Variants in ACSM1 observed in about 807,000 individuals in gnomAD.
The protein encoded by ACSM1 is acyl-coenzyme A synthetase ACSM1, mitochondrial.
A neutral mutation model predicts 75.8 loss-of-function variants in ACSM1; 79 were observed. The ratio of observed to expected loss-of-function variants is 1.04; its 90% CI spans 0.87 to 1.26. The LOEUF is 1.26. Among genes scored for constraint, ACSM1 ranks in the 50% most tolerant of loss-of-function variants. The probability of loss-of-function intolerance (pLI) is 0.00; values close to 1 mark genes in which losing one functional copy is unlikely to be tolerated. For synonymous variants in ACSM1, 279 were observed against 265.8 expected, an observed-to-expected ratio of 1.05 and a Z score of -0.48; for missense variants, 676 against 720.1, an observed-to-expected ratio of 0.94 and a Z score of 0.70.
intron 7 of ACSM1, among the ~76,000 whole-genome samples, chr16:20,647,177 G>A (rs2018413779): frequency 6.6e-6 from 1 of 152,242 alleles, no homozygotes; most frequent in Non-Finnish European, 1.5e-5. Flanking sequence ...GGGTATGCTT[G>A]TGTTTTTGCA....
chr16:20,667,856 T>C (rs1451401392), intron 6 of ACSM1, among the ~76,000 whole-genome samples: 2 of 152,190 alleles, frequency 1.3e-5, no homozygotes, highest in Non-Finnish European at 2.9e-5. Context: ...GGCAGCAACA[T>C]GGATGAAGCT....
chr16:20,636,812 G>A lies in ACSM1; in HGVS notation c.1226C>T (p.Pro409Leu), dbSNP rs770140884. The A allele has an allele frequency of 1.9e-6, 3 of 1,613,954 alleles. No homozygotes were observed. The highest frequency in any genetic ancestry group is 2.5e-6 in the Non-Finnish European group (3 of 1,179,976). Residue 409 changes from proline (P) to leucine (L), a missense_variant, in exon 10 of 14, where the codon CCA (proline) becomes CTA (leucine). Coordinates refer to ENST00000520010, the MANE Select transcript of ACSM1 (RefSeq NM_001318890.3). Reference protein sequence around the residue: ...QVIDDKGSILPPNTEGNIGIR... With the variant: ...QVIDDKGSILLPNTEGNIGIR... ...GCCAATGTTTCCTTCTGTGTTAGGT[G>A]GCAGGATGCTGCCCTTGTCATCAAT...
chr16:20,637,328 G>A (rs1194810780), intron 9 of ACSM1, 43 bp downstream of exon 9: 26 of 1,545,578 alleles, frequency 1.7e-5, no homozygotes, highest in Admixed American at 6.7e-5. Context: ...TCCAACCCCC[G>A]CTGAGCCCTA....
Position 20,669,859 on chromosome 16 carries a change from G to T in ACSM1, c.880C>A (p.Leu294Met). The T allele has an allele frequency of 6.2e-7, 1 of 1,614,016 alleles. No individual in the cohort carries two copies. Among genetic ancestry groups the T allele is most frequent in the South Asian group, 1.1e-5 (1 of 91,074 alleles). ...ATGACCTTGGTGTCAAACTGTGGCA[G>T]ATGGTGGATAAAGACTGTACAACCC... ...TAGCTVFIHH[L>M]PQFDTKVIIQ... Residue 294 changes from leucine to methionine, a missense_variant, in exon 6 of 14, where the codon CTG (leucine) becomes ATG (methionine). Physicochemically the swap from Leu to Met is conservative, Grantham distance 15. Transcript: ENST00000520010.
intron 2 of ACSM1, among the ~76,000 whole-genome samples, chr16:20,685,872 G>A (rs1166821512): frequency 1.3e-5 from 2 of 149,460 alleles, no homozygotes; most frequent in Non-Finnish European, 3.0e-5. Flanking sequence ...ATCAGGAGAG[G>A]TTTAGGGGTG....
chr16:20,629,757 G>T (rs1361778479), intron 10 of ACSM1, among the ~76,000 whole-genome samples: 3 of 152,122 alleles, frequency 2.0e-5, no homozygotes, highest in Non-Finnish European at 1.5e-5. Context: ...ATTTTTGGAG[G>T]CTGAGGCGGG....
At position 20,623,409 on chromosome 16, in the gene ACSM1, G is replaced by A. The variant is rs1273638340; in HGVS notation, c.*77C>T. ...TCAACACTCTCAATGCCCCACCCTC[G>A]TCCTCACCATAGTGGGGAGACTAAA... On this transcript the variant is annotated 3_prime_UTR_variant, in exon 14 of 14. Transcript: ENST00000520010. The A allele has an allele frequency of 3.8e-5, 49 of 1,282,252 alleles. 1 individual carries two copies. The Middle Eastern group carries it at 7.4e-4, about 19-fold the overall frequency. The allele number at this position is 1,282,252 out of a possible 1,614,324, so 79.4% of individuals were successfully genotyped here. A position where few individuals can be genotyped will look rare whatever the true frequency, so the allele number is the denominator to read the frequency against.
chr16:20,643,776 T>C (rs2018204230), intron 7 of ACSM1, among the ~76,000 whole-genome samples: 1 of 152,212 alleles, frequency 6.6e-6, no homozygotes, highest in African/African-American at 2.4e-5. Flanking sequence ...ATCCTTTAGC[T>C]AGACAGAAAG....
chr16:20,676,066 A>T (rs1031255406), intron 4 of ACSM1: 3 of 152,234 alleles, frequency 2.0e-5, no homozygotes, highest in Non-Finnish European at 4.4e-5. Context: ...ACCTCCCTTT[A>T]CCAAGGCTAA....
At chr16:20,627,039 T>C (rs2152183752) in intron 11 of ACSM1, 150 bp downstream of exon 11, 1 of 1,053,690 alleles carries the variant, frequency 9.5e-7, no homozygotes, top group South Asian at 2.3e-5. Context: ...TCGGGAGGTA[T>C]ACTGAAGCCT....
rs141658429 is a variant in ACSM1, at chr16:20,645,791, T to A, written c.993-5207A>T. ...TGCTGCAGACATTTGCTAACTTGCATGCTGGAAGGACTAAGGAAAACTAGG... is the reference window on the plus strand; with the variant it reads ...TGCTGCAGACATTTGCTAACTTGCAAGCTGGAAGGACTAAGGAAAACTAGG... On this transcript the variant is annotated intron_variant, in intron 7 of 13. Transcript: ENST00000520010. Among the ~76,000 whole-genome samples the A allele has an allele frequency of 7.5e-3, 1,141 of 152,284 alleles. 19 individuals carry two copies. Among genetic ancestry groups the A allele is most frequent in the African/African-American group, 0.027 (1,113 of 41,532 alleles).
At chr16:20,627,078 A>G in intron 11 of ACSM1, 111 bp downstream of exon 11, 2 of 1,387,258 alleles carry the variant, frequency 1.4e-6, no homozygotes, top group Non-Finnish European at 1.9e-6. Flanking sequence ...ACACGGCTCT[A>G]TTCAGATTTA....
intron 7 of ACSM1, among the ~76,000 whole-genome samples, chr16:20,645,936 C>T (rs895019360): frequency 3.7e-4 from 57 of 152,190 alleles, no homozygotes; most frequent in African/African-American, 1.3e-3. Flanking sequence ...TGTCACCTGA[C>T]TCTACTGAAG....
At chr16:20,672,145 C>T (rs138865758) in intron 4 of ACSM1, among the ~76,000 whole-genome samples, 121 of 151,494 alleles carry the variant, frequency 8.0e-4, no homozygotes, top group Non-Finnish European at 1.2e-3. Flanking sequence ...ATACAGCTAG[C>T]AAATGGCAGA....
At chr16:20,625,295 T>C in intron 12 of ACSM1, 128 bp downstream of exon 12, 1 of 840,676 alleles carries the variant, frequency 1.2e-6, no homozygotes, top group Non-Finnish European at 1.9e-6. Flanking sequence ...CCTGGTGCCA[T>C]ACCGTGTAAA....
At chr16:20,659,735 C>A (rs187192325) in intron 7 of ACSM1, among the ~76,000 whole-genome samples, 177 of 152,194 alleles carry the variant, frequency 1.2e-3, no homozygotes, top group African/African-American at 4.1e-3. Context: ...AACCAGGCAC[C>A]CCTTTTAAGT....
chr16:20,691,320 T>A (rs1290202868), intron 1 of ACSM1, 81 bp from the exon 2 acceptor site: 1 of 712,192 alleles, frequency 1.4e-6, no homozygotes, highest in African/African-American at 1.8e-5. Context: ...GGTTAATTGC[T>A]ACAGTTATAG....
intron 12 of ACSM1, among the ~76,000 whole-genome samples, chr16:20,625,013 G>A (rs2016833499): frequency 6.6e-6 from 1 of 152,142 alleles, no homozygotes; most frequent in South Asian, 2.1e-4. Flanking sequence ...GAGCCACCGT[G>A]CCCGGCCTAA....
intron 7 of ACSM1, among the ~76,000 whole-genome samples, chr16:20,654,459 A>G (rs556193712): frequency 2.0e-5 from 3 of 152,366 alleles, no homozygotes; most frequent in South Asian, 4.1e-4. Flanking sequence ...CAGAGTGAAC[A>G]GTTAACCTAC....
Sources: allele counts gnomAD v4.1 joint callset (sites outside exome capture counted in the v4.1 genomes callset), GRCh38; gene constraint gnomAD v4.1.1; transcripts MANE v1.5; gene names NCBI Gene and HGNC (gene_info 2026-07-23, HGNC 2026-07-21).